The following KDM5B variants were observed in gnomAD, a reference collection of about 807,000 sequenced individuals.
The protein encoded by KDM5B is lysine-specific demethylase 5B.
Under a neutral mutation model 193.4 loss-of-function variants are expected in KDM5B, and 144 were observed. That is an observed-to-expected ratio of 0.74 (90% CI 0.65 to 0.86). The LOEUF is 0.86. Ranked by LOEUF, KDM5B falls within the 40% of genes least tolerant of loss-of-function variation. KDM5B has a pLI of 0.00. For missense variants in KDM5B, 1,833 were observed against 1,886.9 expected, an observed-to-expected ratio of 0.97 and a Z score of 0.53; for synonymous variants, 668 against 682.6, an observed-to-expected ratio of 0.98 and a Z score of 0.33.
At chr1:202,773,956 T>C (rs1294374151) in intron 3 of KDM5B, among the ~76,000 whole-genome samples, 2 of 152,092 alleles carry the variant, frequency 1.3e-5, no homozygotes, top group Admixed American at 6.6e-5. Flanking sequence ...AGGCTGGTCT[T>C]GAACTCCTGA....
chr1:202,759,542 T>A, intron 8 of KDM5B, among the ~76,000 whole-genome samples: 1 of 111,114 alleles, frequency 9.0e-6, no homozygotes, highest in African/African-American at 2.9e-5. Flanking sequence ...TAGAGTGAGA[T>A]CCTGTCTCAA....
chr1:202,757,726 C>G (rs1040381314), intron 9 of KDM5B, among the ~76,000 whole-genome samples: 2 of 151,894 alleles, frequency 1.3e-5, no homozygotes, highest in African/African-American at 4.8e-5. Flanking sequence ...TAAATTGATA[C>G]AGCAACTGGG....
chr1:202,741,422 G>A lies in KDM5B; in HGVS notation c.2890C>T (p.Leu964=), dbSNP rs1255741745. 1.2e-6 allele frequency: 2 copies of A among 1,601,964 alleles called. No homozygotes were observed. Among genetic ancestry groups the A allele is most frequent in the Non-Finnish European group, 1.7e-6 (2 of 1,172,858 alleles). Residue 964 remains leucine (L), a synonymous_variant, in exon 19 of 27, where the codon CTG becomes TTG. Coordinates refer to ENST00000367265, the MANE Select transcript of KDM5B (RefSeq NM_006618.5). Reference sequence around the variant, plus strand: ...TCCCAGTGCTCTGACACTGTGAGCAGTTCCTGCAGCCGGGCCATAGCTTTC... The same window carrying A: ...TCCCAGTGCTCTGACACTGTGAGCAATTCCTGCAGCCGGGCCATAGCTTTC... The part of the protein sequence containing the change: ...VEKAMARLQE[L]LTVSEHWDDK...
rs1029651666 is a variant in KDM5B at position 202,795,682 on chromosome 1, A to G, written c.204+12420T>C. On this transcript the variant is annotated intron_variant, in intron 1 of 26. Coordinates refer to ENST00000367265, the MANE Select transcript of KDM5B (RefSeq NM_006618.5). ...AAAAAAAGAGGGGACTACTCTCTACATGGGTTTACCTAAGAGGCAATGTTA... is the reference window on the plus strand; with the variant it reads ...AAAAAAAGAGGGGACTACTCTCTACGTGGGTTTACCTAAGAGGCAATGTTA... Among the ~76,000 whole-genome samples the G allele has an allele frequency of 1.2e-4, 18 of 151,930 alleles. 1 individual carries two copies.
chr1:202,784,186 T>C (rs1657314690), intron 1 of KDM5B, among the ~76,000 whole-genome samples: 2 of 152,190 alleles, frequency 1.3e-5, no homozygotes, highest in Non-Finnish European at 2.9e-5. Context: ...TTTAATATAT[T>C]AGAATACTGT....
intron 1 of KDM5B, among the ~76,000 whole-genome samples, chr1:202,788,646 ATTT>A (rs988896966): frequency 6.6e-6 from 1 of 152,170 alleles, no homozygotes; most frequent in Non-Finnish European, 1.5e-5. Flanking sequence ...ATTCACAGAC[ATTT>A]TATGATACTT....
At chr1:202,742,202 C>A (rs1181756710) in intron 18 of KDM5B, among the ~76,000 whole-genome samples, 189 bp downstream of exon 18, 1 of 152,246 alleles carries the variant, frequency 6.6e-6, no homozygotes, top group Middle Eastern at 3.4e-3. Flanking sequence ...AAATTTCCAA[C>A]TTTATTTCCC....
intron 1 of KDM5B, among the ~76,000 whole-genome samples, chr1:202,779,209 C>T (rs1657090773): frequency 6.6e-6 from 1 of 151,918 alleles, no homozygotes; most frequent in Non-Finnish European, 1.5e-5. Context: ...CAATTTTATA[C>T]CAAGTTTATC....
Position 202,752,873 on chromosome 1 carries a change from T to C in KDM5B, c.1701+32A>G, listed in dbSNP as rs775835104. 8.2e-6 allele frequency: 13 copies of C among 1,583,228 alleles called. No individual in the cohort carries two copies. The Admixed American group carries it at 2.0e-4, about 24-fold the overall frequency. On this transcript the variant is annotated intron_variant, in intron 12 of 26. Coordinates refer to ENST00000367265, the MANE Select transcript of KDM5B (RefSeq NM_006618.5). ...GAAAAAGAGAAGTGGTGAATTAAGCTTGAGTGGCAGGAGGATTAACCCAGA... is the reference window on the plus strand; with the variant it reads ...GAAAAAGAGAAGTGGTGAATTAAGCCTGAGTGGCAGGAGGATTAACCCAGA...
chr1:202,805,968 CTT>C (rs1334517025), intron 1 of KDM5B, among the ~76,000 whole-genome samples: 2 of 152,182 alleles, frequency 1.3e-5, no homozygotes, highest in Non-Finnish European at 2.9e-5. Flanking sequence ...ATTGGTGCCT[CTT>C]TAACCCCTTT....
chr1:202,761,992 G>T (rs893544126), intron 7 of KDM5B, among the ~76,000 whole-genome samples: 3 of 152,030 alleles, frequency 2.0e-5, no homozygotes, highest in African/African-American at 7.3e-5. Flanking sequence ...TGACATTTAT[G>T]GAGAGAACAT....
chr1:202,736,409 A>T lies in KDM5B; in HGVS notation c.3085-17T>A. 1 of 1,524,358 alleles carries T rather than the reference A, an allele frequency of 6.6e-7. No homozygotes were observed. Among genetic ancestry groups the T allele is most frequent in the East Asian group, 2.4e-5 (1 of 41,382 alleles). 94.4% of individuals were successfully genotyped at this position (1,524,358 alleles called of 1,614,324 possible). A position where few individuals can be genotyped will look rare whatever the true frequency, so the allele number is the denominator to read the frequency against. On this transcript the variant is annotated splice_polypyrimidine_tract_variant and intron_variant, in intron 20 of 26. Transcript: ENST00000367265. The stretch of plus-strand genomic sequence containing the variant: ...TCCTCCAGCCTAATAAGTCAAGAAA[A>T]ATTACAGCAGTTTAGAGAAAAGAAC...
chr1:202,777,985 A>C (rs1346398208), intron 1 of KDM5B, among the ~76,000 whole-genome samples: 1 of 151,654 alleles, frequency 6.6e-6, no homozygotes, highest in Admixed American at 6.6e-5. Context: ...GACCAGCCTG[A>C]CCAACATGGT....
intron 1 of KDM5B, chr1:202,806,556 C>T (rs1465493265): frequency 3.9e-5 from 6 of 152,116 alleles, no homozygotes; most frequent in Admixed American, 3.9e-4. Flanking sequence ...AAACATTTCC[C>T]TCATATTCGC....
At chr1:202,742,296 A>G in intron 18 of KDM5B, 95 bp downstream of exon 18, 1 of 817,900 alleles carries the variant, frequency 1.2e-6, no homozygotes. Context: ...TGTACATATT[A>G]ATCATCAAAG....
intron 1 of KDM5B, among the ~76,000 whole-genome samples, chr1:202,780,810 A>G (rs1361529442): frequency 6.7e-6 from 1 of 149,884 alleles, no homozygotes; most frequent in Non-Finnish European, 1.5e-5. Context: ...AAAAAAATAC[A>G]TATATATGTG....
At position 202,762,788 on chromosome 1, in the gene KDM5B, T is replaced by C. The variant is rs760238941; in HGVS notation, c.829A>G (p.Ile277Val). 1.2e-5 allele frequency: 19 copies of C among 1,604,576 alleles called. No homozygotes were observed. The highest frequency in any genetic ancestry group is 4.4e-5 in the South Asian group (4 of 90,884). The change falls in exon 7 of 27, where the codon ATC (isoleucine) becomes GTC (valine). Residue 277 changes from isoleucine (I) to valine (V), a missense_variant. This residue lies in a region of KDM5B where 355 missense variants were observed against 374.9 expected (regional missense o/e 0.95). Coordinates refer to ENST00000367265, the MANE Select transcript of KDM5B (RefSeq NM_006618.5). Reference sequence around the variant, plus strand: ...TTCCTCTCAATAGGTTCTTGCTTGATGCTACTCTTCATTTCTTTCTCTGTA... The same window carrying C: ...TTCCTCTCAATAGGTTCTTGCTTGACGCTACTCTTCATTTCTTTCTCTGTA... Reference protein sequence around the residue: ...CENEKEMKSSIKQEPIERKDY... With the variant: ...CENEKEMKSSVKQEPIERKDY...
chr1:202,787,109 C>T (rs1200787264), intron 1 of KDM5B, among the ~76,000 whole-genome samples: 1 of 152,068 alleles, frequency 6.6e-6, no homozygotes, highest in Non-Finnish European at 1.5e-5. Flanking sequence ...CTCAAACTCC[C>T]GGGCTCATGC....
At chr1:202,765,381 T>TATC (rs1463314953) in intron 5 of KDM5B, among the ~76,000 whole-genome samples, 5 of 152,372 alleles carry the variant, frequency 3.3e-5, no homozygotes, top group Admixed American at 1.3e-4. Flanking sequence ...AATACTGAAG[T>TATC]ATCTGTGGAA....
Sources: allele counts gnomAD v4.1 joint callset (sites outside exome capture counted in the v4.1 genomes callset), GRCh38; gene constraint gnomAD v4.1.1; regional missense constraint gnomAD v4.1.1; transcripts MANE v1.5; gene names NCBI Gene and HGNC (gene_info 2026-07-23, HGNC 2026-07-21).